TEAD4: variants seen among roughly 807,000 people sequenced by gnomAD.
The protein encoded by TEAD4 is TEA domain transcription factor 4, also known as transcriptional enhancer factor TEF-3.
Under a neutral mutation model 52.4 loss-of-function variants are expected in TEAD4, and 36 were observed. The observed-to-expected ratio is 0.69, with a 90% CI of 0.53 to 0.91. The LOEUF (loss-of-function observed/expected upper bound fraction) is 0.91. Ranked by LOEUF, TEAD4 falls within the 40% of genes least tolerant of loss-of-function variation. TEAD4 has a pLI of 0.00. For missense variants in TEAD4, 508 were observed against 583.9 expected, an observed-to-expected ratio of 0.87 and a Z score of 1.34; for synonymous variants, 220 against 231.0, an observed-to-expected ratio of 0.95 and a Z score of 0.43.
At chr12:3,003,385 G>T (rs973344006) in intron 3 of TEAD4, among the ~76,000 whole-genome samples, 4 of 152,158 alleles carry the variant, frequency 2.6e-5, no homozygotes, top group Non-Finnish European at 5.9e-5. Context: ...TATGGTCTAG[G>T]GGGTGGGCTG....
chr12:3,008,069 A>C (rs2098257328), intron 3 of TEAD4, among the ~76,000 whole-genome samples: 1 of 152,120 alleles, frequency 6.6e-6, no homozygotes, highest in Admixed American at 6.6e-5. Context: ...TAGACCAAAA[A>C]TCCCTATTCG....
chr12:3,019,817 C>T (rs951987352), intron 8 of TEAD4, among the ~76,000 whole-genome samples: 1 of 152,336 alleles, frequency 6.6e-6, no homozygotes, highest in East Asian at 1.9e-4. Flanking sequence ...CCTTCTGTCC[C>T]CCAGGTCCTG....
intron 10 of TEAD4, among the ~76,000 whole-genome samples, chr12:3,026,423 TG>T (rs2098272125): frequency 6.6e-6 from 1 of 152,246 alleles, no homozygotes; most frequent in Non-Finnish European, 1.5e-5. Context: ...GCTGGCCCAG[TG>T]CTCCTGACAT....
At chr12:3,024,287 A>G (rs2098270681) in intron 10 of TEAD4, among the ~76,000 whole-genome samples, 1 of 152,108 alleles carries the variant, frequency 6.6e-6, no homozygotes, top group Admixed American at 6.5e-5. Flanking sequence ...CGTGTTAGCC[A>G]GGATGGTCTC....
chr12:3,017,798 T>A (rs1161058941), intron 6 of TEAD4, among the ~76,000 whole-genome samples: 2 of 152,164 alleles, frequency 1.3e-5, no homozygotes, highest in Admixed American at 6.5e-5. Context: ...ACCTGGTAGC[T>A]CTGCCATGTT....
chr12:3,035,524 G>A (rs141878710), intron 10 of TEAD4, among the ~76,000 whole-genome samples: 108 of 152,248 alleles, frequency 7.1e-4, no homozygotes, highest in Middle Eastern at 3.4e-3. Flanking sequence ...AGGTGACTTC[G>A]AGAAAATAGG....
chr12:3,014,920 A>G (rs4759432), intron 5 of TEAD4, among the ~76,000 whole-genome samples: 117,097 of 152,196 alleles, frequency 0.77, 47,467 homozygotes, highest in East Asian at 0.97. Flanking sequence ...CGGGCTCGCA[A>G]GGGTGCGCCT....
chr12:2,996,921 G>A (rs567173470), intron 3 of TEAD4, among the ~76,000 whole-genome samples: 1 of 152,290 alleles, frequency 6.6e-6, no homozygotes, highest in South Asian at 2.1e-4. Flanking sequence ...CCTTGCATCT[G>A]TATTTCTAAA....
intron 11 of TEAD4, among the ~76,000 whole-genome samples, chr12:3,038,751 G>A (rs562186915): frequency 6.6e-6 from 1 of 152,176 alleles, no homozygotes; most frequent in African/African-American, 2.4e-5. Context: ...GTGCGTGTCT[G>A]GGGGGTTGTG....
intron 11 of TEAD4, among the ~76,000 whole-genome samples, chr12:3,038,708 A>G (rs558532214): frequency 4.6e-5 from 7 of 152,306 alleles, no homozygotes; most frequent in African/African-American, 1.7e-4. Context: ...GCATAAGCGC[A>G]GGTGAATCCC....
At chr12:3,007,606 CAACA>C (rs2098256982) in intron 3 of TEAD4, among the ~76,000 whole-genome samples, 1 of 152,242 alleles carries the variant, frequency 6.6e-6, no homozygotes, top group African/African-American at 2.4e-5. Flanking sequence ...ACTGACATTA[CAACA>C]AACTGTACAT....
At chr12:2,985,666 T>C (rs1036132181) in intron 2 of TEAD4, among the ~76,000 whole-genome samples, 1 of 151,410 alleles carries the variant, frequency 6.6e-6, no homozygotes, top group Non-Finnish European at 1.5e-5. Context: ...CCATCATGCC[T>C]GGCTAATTTT....
intron 2 of TEAD4, among the ~76,000 whole-genome samples, chr12:2,977,154 C>T (rs543415088): frequency 5.5e-4 from 83 of 152,264 alleles, no homozygotes; most frequent in African/African-American, 1.9e-3. Flanking sequence ...ACTGGTGCCT[C>T]TTCAGTGGTT....
At chr12:3,029,054 G>A (rs2098273812) in intron 10 of TEAD4, among the ~76,000 whole-genome samples, 1 of 152,004 alleles carries the variant, frequency 6.6e-6, no homozygotes, top group African/African-American at 2.4e-5. Context: ...TCTGTTGAAT[G>A]TCTTTTCACA....
At chr12:2,977,974 A>G (rs539044870) in intron 2 of TEAD4, among the ~76,000 whole-genome samples, 123 of 152,170 alleles carry the variant, frequency 8.1e-4, no homozygotes, top group Non-Finnish European at 1.3e-3. Flanking sequence ...GCCCAGCCCA[A>G]CCAAATCCAT....
At chr12:3,022,081 A>G (rs2098269124) in intron 10 of TEAD4, 64 bp downstream of exon 10, 9 of 1,570,180 alleles carry the variant, frequency 5.7e-6, no homozygotes, top group Non-Finnish European at 7.8e-6. Flanking sequence ...GAACGGGGCG[A>G]GAGTGCCCAG....
In TEAD4 at chr12:2,990,461, C is replaced by CTTTTTTTTTTTTTTTTTT. The variant is rs71057876; in HGVS notation, c.-29-4267_-29-4250dup. Among the ~76,000 whole-genome samples, 16 of 67,038 alleles carry CTTTTTTTTTTTTTTTTTT rather than the reference C, an allele frequency of 2.4e-4. 4 individuals carry two copies. The highest frequency in any genetic ancestry group is 9.4e-4 in the African/African-American group (16 of 17,018). 44.0% of individuals were successfully genotyped at this position (67,038 alleles called of 152,430 possible). On this transcript the variant is annotated intron_variant, in intron 2 of 12. Coordinates refer to ENST00000359864, the MANE Select transcript of TEAD4 (RefSeq NM_003213.4). ...TAGAATTTAGGCTAAGACAGATAAT[C>CTTTTTTTTTTTTTTTTTT]TTTTTTTTTTTTTTTTTTTTTTTTT...
At chr12:3,015,652 C>T (rs998006578) in intron 5 of TEAD4, among the ~76,000 whole-genome samples, 13 of 152,168 alleles carry the variant, frequency 8.5e-5, no homozygotes, top group Non-Finnish European at 1.9e-4. Flanking sequence ...CGTTGCTTCT[C>T]AACTTCTGTT....
intron 8 of TEAD4, among the ~76,000 whole-genome samples, chr12:3,019,772 C>T (rs1354373804): frequency 6.6e-6 from 1 of 152,218 alleles, no homozygotes; most frequent in African/African-American, 2.4e-5. Context: ...TGCCCGGCCC[C>T]TTGGCTTTCC....
Sources: allele counts gnomAD v4.1 joint callset (sites outside exome capture counted in the v4.1 genomes callset), GRCh38; gene constraint gnomAD v4.1.1; transcripts MANE v1.5; gene names NCBI Gene and HGNC (gene_info 2026-07-23, HGNC 2026-07-21).